The following STPG2 variants were observed in gnomAD, a reference collection of about 807,000 sequenced individuals.
STPG2 encodes the protein sperm tail PG-rich repeat containing 2.
In STPG2, 56 loss-of-function variants were observed where a neutral mutation model predicts 54.2. That is an observed-to-expected ratio of 1.03 (90% CI 0.83 to 1.29). The LOEUF (loss-of-function observed/expected upper bound fraction) is 1.29, where lower values mean the gene tolerates loss of function less well. Among genes scored for constraint, STPG2 ranks in the 50% most tolerant of loss-of-function variants. The pLI, the probability that STPG2 is intolerant of heterozygous loss-of-function variation, is 0.00. For synonymous variants in STPG2, 200 were observed against 181.8 expected (o/e 1.10, Z -0.81); for missense variants, 596 against 544.9 (o/e 1.09, Z -0.93).
At chr4:98,055,742 G>A (rs1737461769) in intron 5 of STPG2, among the ~76,000 whole-genome samples, 1 of 152,182 alleles carries the variant, frequency 6.6e-6, no homozygotes, top group Non-Finnish European at 1.5e-5. Context: ...TTTAGCCCTA[G>A]GAGAACTGTC....
intron 9 of STPG2, among the ~76,000 whole-genome samples, chr4:97,802,648 T>A (rs1332887618): frequency 6.6e-6 from 1 of 151,986 alleles, no homozygotes; most frequent in Non-Finnish European, 1.5e-5. Flanking sequence ...TTTTTGTATT[T>A]TTAGTAGAGA....
chr4:98,141,987 G>A (rs1740299087), intron 1 of STPG2, among the ~76,000 whole-genome samples: 1 of 147,450 alleles, frequency 6.8e-6, no homozygotes, highest in Non-Finnish European at 1.5e-5. Context: ...GTTACATTTT[G>A]GAAAGAAGTG....
intron 8 of STPG2, among the ~76,000 whole-genome samples, chr4:97,935,936 T>C (rs1448559554): frequency 6.6e-6 from 1 of 152,180 alleles, no homozygotes; most frequent in Non-Finnish European, 1.5e-5. Context: ...CTATCCTTGT[T>C]AATTTTCTGT....
At chr4:98,081,626 C>G (rs1300387060) in intron 5 of STPG2, among the ~76,000 whole-genome samples, 1 of 152,198 alleles carries the variant, frequency 6.6e-6, no homozygotes, top group Non-Finnish European at 1.5e-5. Flanking sequence ...AAAGACGTGG[C>G]TAAACACTTC....
At chr4:98,125,570 G>A (rs939159929) in intron 3 of STPG2, among the ~76,000 whole-genome samples, 6 of 151,824 alleles carry the variant, frequency 4.0e-5, no homozygotes, top group East Asian at 1.9e-4. Context: ...AGAGGGCACC[G>A]ACCTGATGCC....
Position 98,109,523 on chromosome 4 carries a change from T to C in STPG2, c.388-218A>G, listed in dbSNP as rs937959829. On this transcript the variant is annotated intron_variant, in intron 3 of 10. Transcript: ENST00000295268. ...GAGTCAGCTAGGGTTCCCAGAGAAG[T>C]ACCTCTAACATTAGCATATTCTCAA... is the stretch of plus-strand genomic sequence containing the variant. 3.3e-5 allele frequency among the ~76,000 whole-genome samples: 5 copies of C among 152,272 alleles called. No individual in the cohort carries two copies. The South Asian group carries it at 1.0e-3, about 32-fold the overall frequency.
chr4:97,935,324 A>C (rs1442036658), intron 8 of STPG2, among the ~76,000 whole-genome samples: 2 of 152,076 alleles, frequency 1.3e-5, no homozygotes, highest in Non-Finnish European at 2.9e-5. Flanking sequence ...AATTTTTTCA[A>C]AAACCCAGCT....
At chr4:97,577,447 A>G (rs1027237033) in intron 10 of STPG2, among the ~76,000 whole-genome samples, 2 of 152,182 alleles carry the variant, frequency 1.3e-5, no homozygotes, top group African/African-American at 4.8e-5. Flanking sequence ...ACATGGATGC[A>G]GCTGGAGGCC....
intron 7 of STPG2, among the ~76,000 whole-genome samples, chr4:97,950,843 T>G (rs552750268): frequency 2.0e-5 from 3 of 152,176 alleles, no homozygotes; most frequent in African/African-American, 7.2e-5. Flanking sequence ...TAGATTGCCT[T>G]TGTAGGACTA....
At chr4:97,668,503 C>A (rs1578466459) in intron 10 of STPG2, among the ~76,000 whole-genome samples, 1 of 151,880 alleles carries the variant, frequency 6.6e-6, no homozygotes, top group Admixed American at 6.6e-5. Context: ...TGTGCAGTAA[C>A]CCAGGTAAAA....
At chr4:97,661,495 C>G (rs1202477562) in intron 10 of STPG2, among the ~76,000 whole-genome samples, 1 of 152,126 alleles carries the variant, frequency 6.6e-6, no homozygotes, top group African/African-American at 2.4e-5. Flanking sequence ...CAATGCTATA[C>G]TGTCTGGGGC....
intron 4 of STPG2, among the ~76,000 whole-genome samples, chr4:97,495,437 T>C (rs896769409): frequency 6.6e-6 from 1 of 151,446 alleles, no homozygotes; most frequent in Non-Finnish European, 1.5e-5. Flanking sequence ...AGTTTTTGTA[T>C]AGTATTCGTT....
intron 5 of STPG2, among the ~76,000 whole-genome samples, chr4:98,058,848 C>T (rs72686475): frequency 0.029 from 4,467 of 151,792 alleles, 99 homozygotes; most frequent in Non-Finnish European, 0.046. Flanking sequence ...TTCAGAAAAA[C>T]CAAAATCATA....
At chr4:97,691,290 C>T (rs1382785216) in intron 10 of STPG2, among the ~76,000 whole-genome samples, 1 of 152,124 alleles carries the variant, frequency 6.6e-6, no homozygotes, top group East Asian at 1.9e-4. Context: ...GTTTTAAGCC[C>T]TGTTCACCAG....
At chr4:97,836,901 TATTA>T (rs1217944106) in intron 9 of STPG2, among the ~76,000 whole-genome samples, 1 of 149,868 alleles carries the variant, frequency 6.7e-6, no homozygotes, top group Non-Finnish European at 1.5e-5. Flanking sequence ...TAAATTATAT[TATTA>T]ATTAACATTA....
intron 8 of STPG2, among the ~76,000 whole-genome samples, chr4:97,942,237 C>G (rs982645874): frequency 6.6e-6 from 1 of 151,124 alleles, no homozygotes; most frequent in Non-Finnish European, 1.5e-5. Context: ...TTCCTACTAC[C>G]TGTGATATTA....
chr4:97,594,951 C>A (rs1436754823), intron 10 of STPG2, among the ~76,000 whole-genome samples: 1 of 152,148 alleles, frequency 6.6e-6, no homozygotes, highest in Non-Finnish European at 1.5e-5. Context: ...CAGGAAACAA[C>A]AGGTGCTGGA....
chr4:97,694,838 A>AAAAAAAAAAAAAAAAAAAAAAT (rs1560722983), intron 10 of STPG2, among the ~76,000 whole-genome samples: 1 of 141,338 alleles, frequency 7.1e-6, no homozygotes, highest in Non-Finnish European at 1.5e-5. Flanking sequence ...AAAAAAAAAA[A>AAAAAAAAAAAAAAAAAAAAAAT]AAAAAAAAAA....
chr4:97,891,490 A>G (rs1440330198), intron 8 of STPG2, among the ~76,000 whole-genome samples: 1 of 150,988 alleles, frequency 6.6e-6, no homozygotes, highest in Non-Finnish European at 1.5e-5. Context: ...GCAGGTAACT[A>G]AAAAAAAATG....
Sources: gnomAD v4.1 joint callset for allele counts (sites outside exome capture counted in the v4.1 genomes callset) on GRCh38, gnomAD v4.1.1 for gene constraint, MANE v1.5 for transcripts, NCBI Gene and HGNC (gene_info 2026-07-23, HGNC 2026-07-21) for gene names.